Variants in LARS2 observed in about 807,000 individuals in gnomAD.
LARS2 encodes the protein leucine--tRNA ligase, mitochondrial.
Under a neutral mutation model 116.6 loss-of-function variants are expected in LARS2, and 81 were observed. The observed-to-expected ratio is 0.69, with a 90% CI of 0.58 to 0.84. LARS2 has a LOEUF of 0.84. Among genes scored for constraint, LARS2 ranks in the 40% least tolerant of loss-of-function variants. The pLI is 0.00. For synonymous variants in LARS2, 396 were observed against 407.2 expected (o/e 0.97, Z 0.33); for missense variants, 968 against 1,114.5 (o/e 0.87, Z 1.87).
At chr3:45,530,510 C>T (rs1047116038) in intron 20 of LARS2, among the ~76,000 whole-genome samples, 2 of 152,102 alleles carry the variant, frequency 1.3e-5, no homozygotes, top group South Asian at 4.1e-4. Context: ...CAGAGCAAGA[C>T]TCCGTCTCAA....
chr3:45,478,355 A>G (rs780274489), intron 10 of LARS2, among the ~76,000 whole-genome samples: 1 of 152,160 alleles, frequency 6.6e-6, no homozygotes, highest in African/African-American at 2.4e-5. Context: ...TAGCCCTTAC[A>G]TTTTCTCTTA....
intron 15 of LARS2, among the ~76,000 whole-genome samples, chr3:45,512,825 A>T (rs1700309272): frequency 6.6e-6 from 1 of 152,230 alleles, no homozygotes; most frequent in African/African-American, 2.4e-5. Context: ...TTTGAACAGA[A>T]GGTTTATAGT....
At chr3:45,416,318 G>T (rs942482779) in intron 4 of LARS2, among the ~76,000 whole-genome samples, 3 of 151,944 alleles carry the variant, frequency 2.0e-5, no homozygotes, top group African/African-American at 7.3e-5. Flanking sequence ...TTTCAGGAGA[G>T]TATTGCCTCA....
At chr3:45,408,751 G>A (rs1698276350) in intron 4 of LARS2, among the ~76,000 whole-genome samples, 1 of 152,208 alleles carries the variant, frequency 6.6e-6, no homozygotes, top group African/African-American at 2.4e-5. Context: ...TCTAGAGATT[G>A]TGGTAATGTC....
At chr3:45,455,957 GA>G (rs1177522952) in intron 7 of LARS2, among the ~76,000 whole-genome samples, 1 of 152,060 alleles carries the variant, frequency 6.6e-6, no homozygotes, top group East Asian at 1.9e-4. Context: ...TGAATTCATA[GA>G]AGTAGAGAGT....
At chr3:45,465,005 A>G (rs796898913) in intron 8 of LARS2, among the ~76,000 whole-genome samples, 24 of 152,126 alleles carry the variant, frequency 1.6e-4, no homozygotes, top group African/African-American at 5.5e-4. Flanking sequence ...AAAAATGATT[A>G]GATACTGTGG....
chr3:45,542,095 G>A (rs922985030), intron 21 of LARS2, 139 bp downstream of exon 21: 17 of 1,082,544 alleles, frequency 1.6e-5, no homozygotes, highest in East Asian at 1.5e-4. Context: ...CCTTGTGACC[G>A]GAAGGCACAA....
At chr3:45,463,648 CCTT>C (rs1355738979) in intron 8 of LARS2, among the ~76,000 whole-genome samples, 16 of 152,088 alleles carry the variant, frequency 1.1e-4, no homozygotes, top group East Asian at 1.9e-4. Context: ...AGTCTCTCCT[CCTT>C]CTCTGTGGTC....
At chr3:45,434,984 C>T (rs1317467385) in intron 6 of LARS2, among the ~76,000 whole-genome samples, 1 of 152,166 alleles carries the variant, frequency 6.6e-6, no homozygotes, top group Non-Finnish European at 1.5e-5. Flanking sequence ...AGAAAAATAA[C>T]ATTAATTTTA....
intron 21 of LARS2, 92 bp from the exon 22 acceptor site, chr3:45,547,259 C>A: frequency 1.7e-6 from 2 of 1,152,352 alleles, no homozygotes; most frequent in Non-Finnish European, 2.5e-6. Flanking sequence ...ACAAATGCAG[C>A]CATGCCCTTT....
At chr3:45,468,848 C>T (rs1245368666) in intron 8 of LARS2, among the ~76,000 whole-genome samples, 1 of 152,220 alleles carries the variant, frequency 6.6e-6, no homozygotes, top group Non-Finnish European at 1.5e-5. Context: ...ATCCTCAGGG[C>T]ATTCCCTGAT....
At chr3:45,468,751 A>T (rs976678417) in intron 8 of LARS2, among the ~76,000 whole-genome samples, 2 of 152,214 alleles carry the variant, frequency 1.3e-5, no homozygotes, top group Admixed American at 1.3e-4. Flanking sequence ...ATAAGAAGAG[A>T]TTAGTCAAAT....
At chr3:45,516,920 C>T (rs749001651) in intron 17 of LARS2, among the ~76,000 whole-genome samples, 2 of 152,134 alleles carry the variant, frequency 1.3e-5, no homozygotes, top group Admixed American at 6.5e-5. Flanking sequence ...AGAATAAACC[C>T]GTCCAACAGT....
intron 16 of LARS2, among the ~76,000 whole-genome samples, chr3:45,514,522 G>A (rs1232172221): frequency 6.6e-6 from 1 of 152,210 alleles, no homozygotes; most frequent in Non-Finnish European, 1.5e-5. Flanking sequence ...GAGGGAAAGA[G>A]CTAAATTCAG....
chr3:45,524,326 T>C (rs1433631661), intron 20 of LARS2, among the ~76,000 whole-genome samples: 2 of 152,188 alleles, frequency 1.3e-5, no homozygotes, highest in African/African-American at 4.8e-5. Flanking sequence ...TTGAATAATG[T>C]GCCCAGACTA....
chr3:45,422,863 A>C (rs1698537131), intron 6 of LARS2, among the ~76,000 whole-genome samples: 1 of 152,162 alleles, frequency 6.6e-6, no homozygotes, highest in Non-Finnish European at 1.5e-5. Context: ...AAAAATTAAA[A>C]GGTGGGCAAA....
At chr3:45,502,116 A>G (rs1179386854) in intron 15 of LARS2, among the ~76,000 whole-genome samples, 2 of 151,962 alleles carry the variant, frequency 1.3e-5, no homozygotes, top group African/African-American at 2.4e-5. Context: ...TTATTTTTAA[A>G]TGTTTAATTA....
At chr3:45,429,106 A>G (rs1042610463) in intron 6 of LARS2, among the ~76,000 whole-genome samples, 3 of 152,306 alleles carry the variant, frequency 2.0e-5, no homozygotes, top group Admixed American at 6.5e-5. Flanking sequence ...TTTACTCTAG[A>G]TAAGTCCCCT....
chr3:45,502,426 G>A (rs61066194), intron 15 of LARS2, among the ~76,000 whole-genome samples: 6 of 151,804 alleles, frequency 4.0e-5, no homozygotes, highest in African/African-American at 9.7e-5. Context: ...TACTGCTTTC[G>A]GTGTGTCAGT....
Sources: allele counts gnomAD v4.1 joint callset (sites outside exome capture counted in the v4.1 genomes callset), GRCh38; gene constraint gnomAD v4.1.1; transcripts MANE v1.5; gene names NCBI Gene and HGNC (gene_info 2026-07-23, HGNC 2026-07-21).